ATP8B4: variants seen among roughly 807,000 people sequenced by gnomAD.
ATP8B4 encodes the protein probable phospholipid-transporting ATPase IM.
ATP8B4 carries 133 observed loss-of-function variants against 145.6 expected under a neutral mutation model. That is an observed-to-expected ratio of 0.91 (90% CI 0.79 to 1.05). The LOEUF (loss-of-function observed/expected upper bound fraction) is 1.05, where lower values mean the gene tolerates loss of function less well. Among genes scored for constraint, ATP8B4 ranks in the 50% least tolerant of loss-of-function variants. ATP8B4 has a pLI of 0.00. For missense variants in ATP8B4, 1,458 were observed against 1,425.2 expected (o/e 1.02, Z -0.37); for synonymous variants, 507 against 492.9 (o/e 1.03, Z -0.38).
chr15:49,974,592 CA>C, intron 12 of ATP8B4, among the ~76,000 whole-genome samples: 1 of 152,154 alleles, frequency 6.6e-6, no homozygotes, highest in African/African-American at 2.4e-5. Context: ...TCAAATTTAT[CA>C]AAAGTTTATA....
chr15:50,036,085 G>A (rs1019011504), intron 6 of ATP8B4, among the ~76,000 whole-genome samples: 1 of 152,176 alleles, frequency 6.6e-6, no homozygotes, highest in Non-Finnish European at 1.5e-5. Flanking sequence ...ATATTGCCAT[G>A]GGCTTAATCA....
chr15:50,144,933 T>C (rs1384506702), intron 1 of ATP8B4, among the ~76,000 whole-genome samples: 1 of 152,190 alleles, frequency 6.6e-6, no homozygotes, highest in African/African-American at 2.4e-5. Flanking sequence ...GTTGCTTCCA[T>C]ATCATATTAC....
chr15:50,139,512 G>A (rs992260192), intron 1 of ATP8B4, among the ~76,000 whole-genome samples: 12 of 152,146 alleles, frequency 7.9e-5, no homozygotes, highest in Admixed American at 4.6e-4. Context: ...TAGATGACGG[G>A]TTGATAGGTG....
At chr15:50,141,687 T>G (rs768215610) in intron 1 of ATP8B4, among the ~76,000 whole-genome samples, 8 of 152,178 alleles carry the variant, frequency 5.3e-5, no homozygotes, top group South Asian at 2.1e-4. Flanking sequence ...AATTTTAAAT[T>G]TATTAAAATT....
At chr15:49,985,843 T>C (rs1029435495) in intron 10 of ATP8B4, among the ~76,000 whole-genome samples, 1 of 152,136 alleles carries the variant, frequency 6.6e-6, no homozygotes, top group Non-Finnish European at 1.5e-5. Flanking sequence ...ACTGAGCCTT[T>C]AAAATGACCC....
At chr15:49,960,726 G>A (rs917129167) in intron 14 of ATP8B4, among the ~76,000 whole-genome samples, 9 of 152,128 alleles carry the variant, frequency 5.9e-5, no homozygotes, top group South Asian at 4.1e-4. Context: ...GACAAATTGG[G>A]AAAAGAATAC....
intron 1 of ATP8B4, among the ~76,000 whole-genome samples, chr15:50,133,446 G>A (rs757143346): frequency 3.3e-5 from 5 of 151,794 alleles, no homozygotes; most frequent in Non-Finnish European, 5.9e-5. Context: ...CTAGCCAGGC[G>A]TGGTGGCATG....
At chr15:50,165,300 G>T (rs140092817) in intron 1 of ATP8B4, among the ~76,000 whole-genome samples, 2,025 of 152,152 alleles carry the variant, frequency 0.013, 47 homozygotes, top group African/African-American at 0.047. Flanking sequence ...TGATCTGCCC[G>T]CCTCAGCCTC....
intron 23 of ATP8B4, among the ~76,000 whole-genome samples, chr15:49,884,906 G>A (rs2035991018): frequency 6.6e-6 from 1 of 152,132 alleles, no homozygotes; most frequent in African/African-American, 2.4e-5. Flanking sequence ...GATGATCTGA[G>A]GTGGAACAGT....
chr15:50,102,229 G>T (rs2056407385), intron 2 of ATP8B4, among the ~76,000 whole-genome samples: 1 of 151,344 alleles, frequency 6.6e-6, no homozygotes, highest in Non-Finnish European at 1.5e-5. Context: ...CAGAAGAAAA[G>T]AAATAACCAA....
At chr15:50,117,773 A>C (rs1016236104) in intron 1 of ATP8B4, among the ~76,000 whole-genome samples, 9 of 152,232 alleles carry the variant, frequency 5.9e-5, no homozygotes, top group Non-Finnish European at 1.3e-4. Flanking sequence ...TTGAGGAATA[A>C]AATTTTTAAA....
At chr15:50,034,833 T>C (rs1243829512) in intron 6 of ATP8B4, among the ~76,000 whole-genome samples, 2 of 152,198 alleles carry the variant, frequency 1.3e-5, no homozygotes, top group Non-Finnish European at 2.9e-5. Flanking sequence ...ACCTGCCCAG[T>C]TGCTCCCACG....
intron 14 of ATP8B4, among the ~76,000 whole-genome samples, chr15:49,953,890 G>A (rs2043319248): frequency 1.3e-5 from 2 of 152,296 alleles, no homozygotes; most frequent in Non-Finnish European, 1.5e-5. Flanking sequence ...GCTGGGTAGC[G>A]TGCTCACTCA....
At chr15:50,029,255 A>AAAAAAAAACAAC (rs776952913) in intron 6 of ATP8B4, among the ~76,000 whole-genome samples, 1 of 141,162 alleles carries the variant, frequency 7.1e-6, no homozygotes. Context: ...AAAAAAAAAA[A>AAAAAAAAACAAC]AACAGAAAAA....
intron 7 of ATP8B4, among the ~76,000 whole-genome samples, chr15:50,003,427 C>T (rs1175792660): frequency 6.6e-6 from 1 of 151,906 alleles, no homozygotes; most frequent in Non-Finnish European, 1.5e-5. Context: ...ATCAAAGAGC[C>T]ACAGAAGCTT....
intron 13 of ATP8B4, among the ~76,000 whole-genome samples, chr15:49,968,694 T>C (rs967200718): frequency 6.6e-6 from 1 of 152,172 alleles, no homozygotes; most frequent in African/African-American, 2.4e-5. Context: ...AACACCTCAT[T>C]GTCAATATTA....
chr15:49,917,502 A>G (rs2039863360), intron 19 of ATP8B4, among the ~76,000 whole-genome samples: 1 of 152,178 alleles, frequency 6.6e-6, no homozygotes, highest in East Asian at 1.9e-4. Context: ...ACAAAAAAAA[A>G]TGCTCTTATG....
intron 14 of ATP8B4, among the ~76,000 whole-genome samples, chr15:49,934,775 A>G (rs1161023056): frequency 6.6e-6 from 1 of 152,090 alleles, no homozygotes; most frequent in Non-Finnish European, 1.5e-5. Context: ...AGTTTTCGAT[A>G]AGGAACTGTG....
chr15:50,085,945 G>GATATATATCATAT (rs1567331142), intron 2 of ATP8B4, among the ~76,000 whole-genome samples: 1 of 87,090 alleles, frequency 1.1e-5, no homozygotes, highest in African/African-American at 5.9e-5. Flanking sequence ...ATTTATATAT[G>GATATATATCATAT]ATATATATCA....
Sources: gnomAD v4.1 joint callset for allele counts (sites outside exome capture counted in the v4.1 genomes callset) on GRCh38, gnomAD v4.1.1 for gene constraint, MANE v1.5 for transcripts, NCBI Gene and HGNC (gene_info 2026-07-23, HGNC 2026-07-21) for gene names.